Variants in ELMO1 observed in about 807,000 individuals in gnomAD.
The protein encoded by ELMO1 is engulfment and cell motility 1.
A neutral mutation model predicts 98.9 loss-of-function variants in ELMO1; 26 were observed. The ratio of observed to expected loss-of-function variants is 0.26; its 90% CI spans 0.19 to 0.36. The LOEUF (loss-of-function observed/expected upper bound fraction) is 0.36, where lower values mean the gene tolerates loss of function less well. Among genes scored for constraint, ELMO1 ranks in the 10% least tolerant of loss-of-function variants. The pLI, the probability that ELMO1 is intolerant of heterozygous loss-of-function variation, is 1.00. For synonymous variants in ELMO1, 346 were observed against 346.0 expected, an observed-to-expected ratio of 1.00 and a Z score of 0.00; for missense variants, 627 against 935.2, an observed-to-expected ratio of 0.67 and a Z score of 4.30.
intron 1 of ELMO1, among the ~76,000 whole-genome samples, chr7:37,406,460 T>C: frequency 6.6e-6 from 1 of 152,006 alleles, no homozygotes; most frequent in Non-Finnish European, 1.5e-5. Flanking sequence ...GACAGAGTCT[T>C]GCTCTGTCAC....
rs180964925 is a variant in ELMO1 at position 37,121,127 on chromosome 7, G to T, written c.1191+12003C>A. Among the ~76,000 whole-genome samples the T allele has an allele frequency of 5.3e-3, 802 of 152,256 alleles. 4 individuals carry two copies. Among genetic ancestry groups the T allele is most frequent in the Admixed American group, 8.7e-3 (133 of 15,292 alleles). ...ATCCACACCAAAACCCCATCTGCAC[G>T]TCACCATCATCAAAGACCAAAGGTA... is the stretch of plus-strand genomic sequence containing the variant. On this transcript the variant is annotated intron_variant, in intron 14 of 21. Coordinates refer to ENST00000310758, the MANE Select transcript of ELMO1 (RefSeq NM_014800.11).
chr7:37,128,494 T>C (rs1024900213), intron 14 of ELMO1, among the ~76,000 whole-genome samples: 1 of 152,166 alleles, frequency 6.6e-6, no homozygotes, highest in South Asian at 2.1e-4. Flanking sequence ...CCATGCACAG[T>C]AGGATACTCA....
At chr7:36,887,789 T>C (rs1805163404) in intron 17 of ELMO1, 117 bp from the exon 18 acceptor site, 5 of 806,142 alleles carry the variant, frequency 6.2e-6, no homozygotes, top group Non-Finnish European at 1.0e-5. Flanking sequence ...GAGCATCTAA[T>C]ACCTCCAACT....
chr7:37,169,605 A>G (rs1296850637), intron 13 of ELMO1, among the ~76,000 whole-genome samples: 1 of 152,210 alleles, frequency 6.6e-6, no homozygotes, highest in Non-Finnish European at 1.5e-5. Context: ...GGGGATAATC[A>G]CGCTAAGAAA....
intron 19 of ELMO1, among the ~76,000 whole-genome samples, chr7:36,876,315 CT>C (rs552059930): frequency 1.4e-4 from 20 of 145,202 alleles, no homozygotes; most frequent in African/African-American, 3.0e-4. Context: ...GTCCTTCTTA[CT>C]TTTTTTTTTC....
intron 8 of ELMO1, among the ~76,000 whole-genome samples, chr7:37,229,769 A>G (rs887747868): frequency 2.0e-5 from 3 of 152,260 alleles, no homozygotes; most frequent in Admixed American, 2.0e-4. Flanking sequence ...ACAGATCTCT[A>G]AGTAGCAATG....
At chr7:37,161,527 T>G (rs1369994633) in intron 13 of ELMO1, among the ~76,000 whole-genome samples, 1 of 152,152 alleles carries the variant, frequency 6.6e-6, no homozygotes, top group Non-Finnish European at 1.5e-5. Context: ...ACAGACATTT[T>G]CAGTCTCCCA....
At chr7:37,438,210 T>A (rs1193094065) in intron 1 of ELMO1, among the ~76,000 whole-genome samples, 1 of 152,146 alleles carries the variant, frequency 6.6e-6, no homozygotes, top group East Asian at 1.9e-4. Flanking sequence ...AGCAGTTACC[T>A]AGGTCACTTG....
chr7:37,395,963 T>C (rs1476993156), intron 1 of ELMO1, among the ~76,000 whole-genome samples: 1 of 151,718 alleles, frequency 6.6e-6, no homozygotes, highest in Admixed American at 6.6e-5. Flanking sequence ...TTTTCGCCTT[T>C]ACTTATTTCT....
intron 17 of ELMO1, among the ~76,000 whole-genome samples, chr7:36,888,321 T>A (rs1020869517): frequency 6.6e-6 from 1 of 152,212 alleles, no homozygotes; most frequent in Non-Finnish European, 1.5e-5. Flanking sequence ...AAAGATATCA[T>A]GATAGAGTGA....
At chr7:36,940,844 G>A (rs1339764669) in intron 16 of ELMO1, among the ~76,000 whole-genome samples, 1 of 152,240 alleles carries the variant, frequency 6.6e-6, no homozygotes, top group Non-Finnish European at 1.5e-5. Flanking sequence ...GACAAGCCAT[G>A]CACACAATTA....
At position 37,110,104 on chromosome 7, in the gene ELMO1, C is replaced by G. The variant is rs1185772349; in HGVS notation, c.1192-13377G>C. ...AGGCTGGCTGCTCTTGGTTCCCAAGCAGCCTCCGTGATAAACAGCCTCAGT... is the reference window on the plus strand; with the variant it reads ...AGGCTGGCTGCTCTTGGTTCCCAAGGAGCCTCCGTGATAAACAGCCTCAGT... On this transcript the variant is annotated intron_variant, in intron 14 of 21. Transcript: ENST00000310758. Among the ~76,000 whole-genome samples, 9 of 152,238 alleles carry G rather than the reference C, an allele frequency of 5.9e-5. 1 individual carries two copies. Among genetic ancestry groups the G allele is most frequent in the Admixed American group, 5.9e-4 (9 of 15,284 alleles).
At chr7:37,126,520 C>T (rs1331738173) in intron 14 of ELMO1, among the ~76,000 whole-genome samples, 3 of 151,856 alleles carry the variant, frequency 2.0e-5, no homozygotes, top group African/African-American at 7.3e-5. Context: ...AGTATAATAA[C>T]TTACAAAATA....
intron 13 of ELMO1, among the ~76,000 whole-genome samples, chr7:37,209,903 A>C (rs1422824668): frequency 1.3e-5 from 2 of 152,156 alleles, no homozygotes; most frequent in Admixed American, 1.3e-4. Flanking sequence ...GTCGAAACAT[A>C]AAATATAATG....
At chr7:37,375,506 C>T (rs1343207090) in intron 1 of ELMO1, 1 of 827,182 alleles carries the variant, frequency 1.2e-6, no homozygotes, top group Non-Finnish European at 2.0e-6. Context: ...CGGCCCCGGA[C>T]CCCAGAGCCA....
chr7:37,113,009 C>T (rs890077705), intron 14 of ELMO1, among the ~76,000 whole-genome samples: 12 of 152,298 alleles, frequency 7.9e-5, no homozygotes, highest in South Asian at 2.1e-4. Flanking sequence ...GTGACTCACC[C>T]AAGCCCAAGC....
intron 1 of ELMO1, among the ~76,000 whole-genome samples, chr7:37,418,248 A>G (rs894995038): frequency 1.3e-5 from 2 of 152,154 alleles, no homozygotes; most frequent in Admixed American, 1.3e-4. Flanking sequence ...ATTGCTACAG[A>G]TAGAAAGTGC....
chr7:37,351,418 G>A (rs913803314), intron 1 of ELMO1, among the ~76,000 whole-genome samples: 31 of 152,148 alleles, frequency 2.0e-4, no homozygotes, highest in Non-Finnish European at 2.8e-4. Flanking sequence ...CCTTCTGCTG[G>A]GGATGAAGCT....
At chr7:37,065,506 C>T (rs142753443) in intron 15 of ELMO1, among the ~76,000 whole-genome samples, 50 of 152,248 alleles carry the variant, frequency 3.3e-4, no homozygotes, top group African/African-American at 1.1e-3. Context: ...GCCCTTCCCC[C>T]TCAAGTCACT....
Sources: allele counts gnomAD v4.1 joint callset (sites outside exome capture counted in the v4.1 genomes callset), GRCh38; gene constraint gnomAD v4.1.1; transcripts MANE v1.5; gene names NCBI Gene and HGNC (gene_info 2026-07-23, HGNC 2026-07-21).